GALNT13: variants seen among roughly 807,000 people sequenced by gnomAD.
GALNT13 encodes the protein polypeptide N-acetylgalactosaminyltransferase 13.
GALNT13 carries 28 observed loss-of-function variants against 64.2 expected under a neutral mutation model. The observed-to-expected ratio is 0.44, with a 90% CI of 0.32 to 0.60. The LOEUF is 0.60. Ranked by LOEUF, GALNT13 falls within the 20% of genes least tolerant of loss-of-function variation. The probability of loss-of-function intolerance (pLI) is 0.05; values close to 1 mark genes in which losing one functional copy is unlikely to be tolerated. For missense variants in GALNT13, 577 were observed against 669.8 expected (o/e 0.86, Z 1.53); for synonymous variants, 214 against 224.6 (o/e 0.95, Z 0.42).
the GALNT13 span, among the ~76,000 whole-genome samples, chr2:153,454,953 G>C: frequency 5.9e-5 from 9 of 152,216 alleles, no homozygotes; most frequent in Non-Finnish European, 1.2e-4. Context: ...AAGTTCTGCA[G>C]AAGGAGGTGT....
At chr2:153,649,892 G>T in the GALNT13 span, among the ~76,000 whole-genome samples, 1 of 152,072 alleles carries the variant, frequency 6.6e-6, no homozygotes, top group East Asian at 1.9e-4. Context: ...CAACTATGTG[G>T]TCAATTTTGG....
intron 9 of GALNT13, among the ~76,000 whole-genome samples, chr2:154,340,682 C>T (rs1218266416): frequency 6.6e-6 from 1 of 152,068 alleles, no homozygotes; most frequent in Non-Finnish European, 1.5e-5. Flanking sequence ...ATTCATATGA[C>T]AAAGTCCATG....
At chr2:154,295,655 G>T (rs1692881313) in intron 8 of GALNT13, among the ~76,000 whole-genome samples, 1 of 152,138 alleles carries the variant, frequency 6.6e-6, no homozygotes, top group Non-Finnish European at 1.5e-5. Context: ...TTACAGGTGT[G>T]AGGAACCATG....
chr2:153,866,203 C>T, the GALNT13 span, among the ~76,000 whole-genome samples: 4 of 129,948 alleles, frequency 3.1e-5, no homozygotes, highest in African/African-American at 1.2e-4. Flanking sequence ...GGAGATATAC[C>T]TAATGCTAGA....
At chr2:153,308,712 G>A in the GALNT13 span, among the ~76,000 whole-genome samples, 1 of 152,068 alleles carries the variant, frequency 6.6e-6, no homozygotes, top group East Asian at 1.9e-4. Flanking sequence ...CAGAACTAAT[G>A]TTATGTTAGA....
the GALNT13 span, among the ~76,000 whole-genome samples, chr2:153,344,134 C>T: frequency 6.6e-6 from 1 of 151,942 alleles, no homozygotes; most frequent in Non-Finnish European, 1.5e-5. Flanking sequence ...GTATTTATTT[C>T]TCTCAAAAGG....
chr2:153,901,036 A>G (rs1429833367), intron 2 of GALNT13, 29 bp downstream of exon 2: 2 of 152,178 alleles, frequency 1.3e-5, no homozygotes, highest in Non-Finnish European at 2.9e-5. Flanking sequence ...TTTCTACTCA[A>G]TTGCAGTCAT....
chr2:154,295,450 G>T (rs2105970424), intron 8 of GALNT13, among the ~76,000 whole-genome samples: 1 of 151,718 alleles, frequency 6.6e-6, no homozygotes, highest in African/African-American at 2.4e-5. Flanking sequence ...TGCAACCTCT[G>T]CCTCCCGGGT....
At chr2:153,723,658 C>CAACA in the GALNT13 span, among the ~76,000 whole-genome samples, 3 of 152,142 alleles carry the variant, frequency 2.0e-5, no homozygotes, top group South Asian at 2.1e-4. Context: ...TATACACCAA[C>CAACA]AACAAACAAA....
At chr2:153,906,855 C>T (rs1688600436) in intron 2 of GALNT13, among the ~76,000 whole-genome samples, 1 of 151,786 alleles carries the variant, frequency 6.6e-6, no homozygotes, top group South Asian at 2.1e-4. Context: ...AGTTTACAGT[C>T]CCACCAACAG....
the GALNT13 span, among the ~76,000 whole-genome samples, chr2:153,480,085 T>C: frequency 6.6e-6 from 1 of 152,224 alleles, no homozygotes; most frequent in Admixed American, 6.5e-5. Context: ...TTACTCTGAT[T>C]TGATCATTCC....
chr2:153,752,268 C>G, the GALNT13 span, among the ~76,000 whole-genome samples: 1 of 152,000 alleles, frequency 6.6e-6, no homozygotes, highest in Non-Finnish European at 1.5e-5. Flanking sequence ...AGTTTACACA[C>G]CACAGTTACA....
chr2:153,606,405 G>C, the GALNT13 span, among the ~76,000 whole-genome samples: 1 of 152,020 alleles, frequency 6.6e-6, no homozygotes. Flanking sequence ...CCAATCTGTG[G>C]ACCACAGGCT....
At chr2:153,524,015 G>A in the GALNT13 span, among the ~76,000 whole-genome samples, 1 of 152,014 alleles carries the variant, frequency 6.6e-6, no homozygotes, top group African/African-American at 2.4e-5. Flanking sequence ...ATCACAAATG[G>A]GTGTTGGATT....
the GALNT13 span, among the ~76,000 whole-genome samples, chr2:153,669,660 A>T: frequency 6.6e-6 from 1 of 152,182 alleles, no homozygotes; most frequent in African/African-American, 2.4e-5. Context: ...TATCTTGTTC[A>T]TCTCACTGGG....
At chr2:153,604,016 A>G in the GALNT13 span, among the ~76,000 whole-genome samples, 1 of 152,054 alleles carries the variant, frequency 6.6e-6, no homozygotes. Flanking sequence ...TTCATTAGTC[A>G]AATGGTTGAC....
chr2:154,260,167 T>C (rs1001276371), intron 8 of GALNT13, among the ~76,000 whole-genome samples: 2 of 152,138 alleles, frequency 1.3e-5, no homozygotes, highest in East Asian at 3.8e-4. Flanking sequence ...ATTACAGGCA[T>C]GAGCCACCAC....
the GALNT13 span, among the ~76,000 whole-genome samples, chr2:153,631,567 A>G: frequency 6.6e-6 from 1 of 152,208 alleles, no homozygotes; most frequent in Non-Finnish European, 1.5e-5. Context: ...GCCAGTGATG[A>G]TGAGCATTTT....
At chr2:153,582,110 C>T in the GALNT13 span, among the ~76,000 whole-genome samples, 7 of 152,020 alleles carry the variant, frequency 4.6e-5, no homozygotes, top group Non-Finnish European at 1.0e-4. Context: ...CTTGAATATC[C>T]GCAAAAATGC....
Sources: gnomAD v4.1 joint callset for allele counts (sites outside exome capture counted in the v4.1 genomes callset) on GRCh38, gnomAD v4.1.1 for gene constraint, MANE v1.5 for transcripts, NCBI Gene and HGNC (gene_info 2026-07-23, HGNC 2026-07-21) for gene names.